FGF14: variants seen among roughly 807,000 people sequenced by gnomAD.
FGF14 encodes fibroblast growth factor homologous factor 4.
A neutral mutation model predicts 25.5 loss-of-function variants in FGF14; 5 were observed. That is an observed-to-expected ratio of 0.20 (90% CI 0.10 to 0.41). FGF14 has a LOEUF of 0.41. Ranked by LOEUF, FGF14 falls within the 10% of genes least tolerant of loss-of-function variation. FGF14 has a pLI of 1.00. For synonymous variants in FGF14, 138 were observed against 118.3 expected (o/e 1.17, Z -1.08); for missense variants, 222 against 320.1 (o/e 0.69, Z 2.34).
intron 1 of FGF14, among the ~76,000 whole-genome samples, chr13:102,325,306 A>C (rs2056388016): frequency 6.6e-6 from 1 of 152,204 alleles, no homozygotes; most frequent in Admixed American, 6.5e-5. Flanking sequence ...TATGAACAGA[A>C]GAAAAAAATT....
intron 1 of FGF14, among the ~76,000 whole-genome samples, chr13:102,047,274 A>G (rs2140032388): frequency 6.6e-6 from 1 of 152,246 alleles, no homozygotes; most frequent in South Asian, 2.1e-4. Flanking sequence ...CATCCCACAC[A>G]TACACATACA....
chr13:102,168,936 AT>A, intron 1 of FGF14, among the ~76,000 whole-genome samples: 1 of 152,122 alleles, frequency 6.6e-6, no homozygotes, highest in South Asian at 2.1e-4. Context: ...CGATAATATC[AT>A]GGAGAAAATA....
intron 1 of FGF14, among the ~76,000 whole-genome samples, chr13:102,302,110 C>T (rs1430922474): frequency 6.6e-6 from 1 of 152,144 alleles, no homozygotes; most frequent in Non-Finnish European, 1.5e-5. Context: ...AGTTTTTCTC[C>T]TTGAGTATTC....
intron 4 of FGF14, among the ~76,000 whole-genome samples, chr13:101,724,856 TTCTC>T (rs550562677): frequency 3.3e-5 from 5 of 151,252 alleles, no homozygotes; most frequent in South Asian, 2.1e-4. Flanking sequence ...AAAGTATTAT[TTCTC>T]TCTTTCTCAT....
intron 1 of FGF14, among the ~76,000 whole-genome samples, chr13:102,340,101 T>C (rs1322876429): frequency 6.6e-6 from 1 of 152,200 alleles, no homozygotes; most frequent in Non-Finnish European, 1.5e-5. Context: ...ACACAGTAAT[T>C]AGTATCTTCA....
chr13:102,269,044 T>C (rs1387826110), intron 1 of FGF14, among the ~76,000 whole-genome samples: 1 of 152,188 alleles, frequency 6.6e-6, no homozygotes, highest in Non-Finnish European at 1.5e-5. Context: ...AACATTCAAC[T>C]GAGAAAAACA....
Position 102,029,332 on chromosome 13 carries a change from C to G in FGF14, c.209-154036G>C, listed in dbSNP as rs1429038177. On this transcript the variant is annotated intron_variant, in intron 1 of 4. Transcript: ENST00000376131. Reference sequence around the variant, plus strand: ...ACTTAGGATGCAAGATTTTTTCCATCTCATTCTCATTAACTAGATCCCCAT... The same window carrying G: ...ACTTAGGATGCAAGATTTTTTCCATGTCATTCTCATTAACTAGATCCCCAT... Among the ~76,000 whole-genome samples, 7 of 152,046 alleles carry G rather than the reference C, an allele frequency of 4.6e-5. No homozygotes were observed. In the South Asian group the frequency reaches 8.3e-4, roughly 18 times the overall value.
intron 1 of FGF14, among the ~76,000 whole-genome samples, chr13:102,327,143 A>C (rs1381679556): frequency 6.6e-6 from 1 of 152,218 alleles, no homozygotes; most frequent in Non-Finnish European, 1.5e-5. Context: ...CTACCAGCCT[A>C]CCTGGTGTAG....
At chr13:101,816,340 G>A (rs1401580584) in intron 3 of FGF14, among the ~76,000 whole-genome samples, 1 of 150,414 alleles carries the variant, frequency 6.6e-6, no homozygotes, top group Non-Finnish European at 1.5e-5. Flanking sequence ...ATTATTTAAT[G>A]TTTATCTCTC....
At chr13:102,017,493 T>C (rs879347655) in intron 1 of FGF14, among the ~76,000 whole-genome samples, 7 of 152,312 alleles carry the variant, frequency 4.6e-5, no homozygotes, top group Middle Eastern at 3.4e-3. Flanking sequence ...AATCTGATTC[T>C]TGTTCCTTGG....
intron 4 of FGF14, among the ~76,000 whole-genome samples, chr13:101,723,795 A>C (rs1425083420): frequency 6.7e-6 from 1 of 149,978 alleles, no homozygotes; most frequent in Non-Finnish European, 1.5e-5. Flanking sequence ...AGTCCTGAGA[A>C]AGGACATATA....
intron 3 of FGF14, among the ~76,000 whole-genome samples, chr13:101,797,774 T>TGTGTGTGTGTGTGTGC (rs1566914293): frequency 1.0e-4 from 15 of 147,430 alleles, no homozygotes; most frequent in African/African-American, 3.6e-4. Flanking sequence ...TGTGTGTGTG[T>TGTGTGTGTGTGTGTGC]GTGTGTGTTC....
rs2139619955 is a variant in FGF14, at chr13:101,714,896, A to G, written c.*7935T>C. On this transcript the variant is annotated 3_prime_UTR_variant, in exon 5 of 5. Coordinates refer to ENST00000376143, the MANE Select transcript of FGF14 (RefSeq NM_004115.4). ...TACTTTGAACATGGTATAGGGAATG[A>G]AATATTCTTTTAAACAGAATCTGGG... 1 of 241,200 alleles carries G rather than the reference A, an allele frequency of 4.1e-6. No homozygotes were observed. Among genetic ancestry groups the G allele is most frequent in the East Asian group, 1.0e-4 (1 of 9,784 alleles). 14.9% of individuals were successfully genotyped at this position (241,200 alleles called of 1,614,324 possible).
chr13:102,301,385 T>C (rs895120265), intron 1 of FGF14, among the ~76,000 whole-genome samples: 2 of 152,256 alleles, frequency 1.3e-5, no homozygotes, highest in African/African-American at 4.8e-5. Context: ...GAAAACACAA[T>C]TCAATTGACA....
intron 1 of FGF14, among the ~76,000 whole-genome samples, chr13:102,376,773 T>C (rs968377735): frequency 5.9e-5 from 9 of 152,244 alleles, no homozygotes; most frequent in African/African-American, 1.9e-4. Flanking sequence ...AATTAGTTGA[T>C]TGACATTTTG....
chr13:102,205,572 G>A (rs936018760), intron 1 of FGF14, among the ~76,000 whole-genome samples: 1 of 151,750 alleles, frequency 6.6e-6, no homozygotes, highest in Non-Finnish European at 1.5e-5. Context: ...AGAGGGGGAG[G>A]AATTAATAAA....
chr13:102,137,443 C>A (rs1254941664), intron 1 of FGF14, among the ~76,000 whole-genome samples: 2 of 152,050 alleles, frequency 1.3e-5, no homozygotes, highest in Non-Finnish European at 2.9e-5. Flanking sequence ...ATATATGCAA[C>A]CAAGTTGTTT....
chr13:101,821,313 GTTTC>G (rs1254603070), intron 3 of FGF14, among the ~76,000 whole-genome samples: 4 of 151,968 alleles, frequency 2.6e-5, no homozygotes, highest in African/African-American at 9.7e-5. Context: ...TTTGTGTCTG[GTTTC>G]TTTTTCTCCT....
At chr13:102,291,177 C>T (rs1048208740) in intron 1 of FGF14, among the ~76,000 whole-genome samples, 2 of 152,284 alleles carry the variant, frequency 1.3e-5, no homozygotes, top group South Asian at 2.1e-4. Context: ...ACTTTTCAGC[C>T]ACACGCTGTT....
Sources: gnomAD v4.1 joint callset for allele counts (sites outside exome capture counted in the v4.1 genomes callset) on GRCh38, gnomAD v4.1.1 for gene constraint, MANE v1.5 for transcripts, NCBI Gene and HGNC (gene_info 2026-07-23, HGNC 2026-07-21) for gene names.